Variants in MINDY4B observed in about 807,000 individuals in gnomAD.
MINDY4B encodes MINDY family member 4B.
Under a neutral mutation model 16.7 loss-of-function variants are expected in MINDY4B, and 25 were observed. That is an observed-to-expected ratio of 1.49 (90% CI 1.09 to 2.09). MINDY4B has a LOEUF of 2.09. Among genes scored for constraint, MINDY4B ranks in the 30% most tolerant of loss-of-function variants. The pLI, the probability that MINDY4B is intolerant of heterozygous loss-of-function variation, is 0.00. For synonymous variants in MINDY4B, 132 were observed against 61.9 expected, an observed-to-expected ratio of 2.13 and a Z score of -5.32; for missense variants, 327 against 168.4, an observed-to-expected ratio of 1.94 and a Z score of -5.21.
chr3:150,885,307 A>G (rs745426442), intron 8 of MINDY4B, 61 bp downstream of exon 8: 1 of 690,782 alleles, frequency 1.4e-6, no homozygotes, highest in Admixed American at 2.1e-5. Flanking sequence ...ATACAAGAGT[A>G]CATTGTTTAT....
chr3:150,888,473 A>G (rs1437138321), intron 7 of MINDY4B, among the ~76,000 whole-genome samples: 2 of 152,154 alleles, frequency 1.3e-5, no homozygotes, highest in African/African-American at 4.8e-5. Flanking sequence ...TGCTGCTCAC[A>G]TGGAGCCCTC....
At position 150,870,723 on chromosome 3, in the gene MINDY4B, C is replaced by T. The variant is rs1716946301; in HGVS notation, c.*322G>A. On this transcript the variant is annotated 3_prime_UTR_variant, in exon 12 of 12. Coordinates refer to ENST00000465419, the MANE Select transcript of MINDY4B (RefSeq NM_001351281.2). ...TCCGTAATCCTCATGGAGAGTTATACCAAGAAAAGACAACTTTGGAAAAAC... is the reference window on the plus strand; with the variant it reads ...TCCGTAATCCTCATGGAGAGTTATATCAAGAAAAGACAACTTTGGAAAAAC... Among the ~76,000 whole-genome samples the T allele has an allele frequency of 6.6e-6, 1 of 152,114 alleles. No individual in the cohort carries two copies. Among genetic ancestry groups the T allele is most frequent in the Non-Finnish European group, 1.5e-5 (1 of 68,034 alleles).
chr3:150,904,055 G>A lies in MINDY4B; in HGVS notation c.142-639C>T, dbSNP rs114219284. ...GTCCTATTGGTGGCTGAAACATGAG[G>A]GAAACCACCTTCTTAGTTTTTCTGT... On this transcript the variant is annotated intron_variant, in intron 2 of 11. Transcript: ENST00000465419. Among the ~76,000 whole-genome samples, 11 of 152,108 alleles carry A rather than the reference G, an allele frequency of 7.2e-5. 1 individual carries two copies. Among genetic ancestry groups the A allele is most frequent in the African/African-American group, 2.7e-4 (11 of 41,420 alleles).
intron 10 of MINDY4B, among the ~76,000 whole-genome samples, chr3:150,880,314 T>C (rs1198243117): frequency 1.3e-5 from 2 of 148,830 alleles, no homozygotes; most frequent in Non-Finnish European, 3.0e-5. Context: ...TCTGTGTGTG[T>C]GTGTGTGTGT....
intron 8 of MINDY4B, among the ~76,000 whole-genome samples, 177 bp downstream of exon 8, chr3:150,885,191 T>C (rs7649543): frequency 0.14 from 21,093 of 152,156 alleles, 3,101 homozygotes; most frequent in African/African-American, 0.38. Flanking sequence ...CGACATCCAC[T>C]TGCCCATTAA....
chr3:150,894,298 CG>C lies in MINDY4B; in HGVS notation c.316del (p.Arg106GlyfsTer30), dbSNP rs1559968079. The C allele has an allele frequency of 1.4e-6, 1 of 691,552 alleles. No homozygotes were observed. The highest frequency in any genetic ancestry group is 1.5e-5 in the South Asian group (1 of 64,810). 42.8% of individuals were successfully genotyped at this position (691,552 alleles called of 1,614,324 possible). A position where few individuals can be genotyped will look rare whatever the true frequency, so the allele number is the denominator to read the frequency against. On this transcript the variant is annotated frameshift_variant, in exon 4 of 12. Coordinates refer to ENST00000465419, the MANE Select transcript of MINDY4B (RefSeq NM_001351281.2). LOFTEE classifies it high-confidence loss of function. ...GACTGTGTTTCCAAACAGGATCTGC[CG>C]CAGCTTCTGAAAAGAGGGGAAAGAA... ...PISLAMATKL[R>X]QILFGNTVHV...
chr3:150,884,269 G>C (rs1181861045), intron 8 of MINDY4B, among the ~76,000 whole-genome samples: 2 of 152,166 alleles, frequency 1.3e-5, no homozygotes, highest in Admixed American at 6.5e-5. Flanking sequence ...GACAATATAA[G>C]GTCAAGGTGG....
intron 10 of MINDY4B, among the ~76,000 whole-genome samples, chr3:150,881,985 G>A (rs562200216): frequency 2.6e-5 from 4 of 152,270 alleles, no homozygotes; most frequent in South Asian, 4.1e-4. Flanking sequence ...GGAACCAGGA[G>A]GGCTGGAGGA....
At chr3:150,891,774 A>G (rs1209887300) in intron 5 of MINDY4B, among the ~76,000 whole-genome samples, 1 of 150,044 alleles carries the variant, frequency 6.7e-6, no homozygotes, top group African/African-American at 2.5e-5. Flanking sequence ...AAAAAAAAAA[A>G]AAAAAAAAAA....
chr3:150,898,861 C>T (rs1186858656), intron 3 of MINDY4B, among the ~76,000 whole-genome samples: 2 of 152,122 alleles, frequency 1.3e-5, no homozygotes, highest in Non-Finnish European at 2.9e-5. Context: ...ATGTTCTTAC[C>T]CTGACTGCCT....
At chr3:150,880,661 T>A (rs138805734) in intron 10 of MINDY4B, among the ~76,000 whole-genome samples, 1 of 152,342 alleles carries the variant, frequency 6.6e-6, no homozygotes, top group East Asian at 1.9e-4. Context: ...CTGTTTTAAG[T>A]CTTTCTAGTT....
At chr3:150,904,249 G>A (rs1712189145) in intron 2 of MINDY4B, among the ~76,000 whole-genome samples, 1 of 152,020 alleles carries the variant, frequency 6.6e-6, no homozygotes, top group Non-Finnish European at 1.5e-5. Context: ...TTCTTTTAAA[G>A]ATTGTTTTAT....
intron 3 of MINDY4B, among the ~76,000 whole-genome samples, chr3:150,896,379 G>C (rs1449402002): frequency 6.6e-6 from 1 of 152,074 alleles, no homozygotes; most frequent in Non-Finnish European, 1.5e-5. Context: ...AGGTAAATCA[G>C]GGATTTATTC....
chr3:150,894,084 G>T (rs1166032332), intron 4 of MINDY4B, 102 bp downstream of exon 4: 1 of 544,806 alleles, frequency 1.8e-6, no homozygotes, highest in African/African-American at 1.9e-5. Context: ...TTCTACACAT[G>T]ATTATAATGA....
chr3:150,891,660 G>A (rs1711810925), intron 5 of MINDY4B, among the ~76,000 whole-genome samples: 1 of 151,662 alleles, frequency 6.6e-6, no homozygotes, highest in Non-Finnish European at 1.5e-5. Context: ...TACTTGGGAG[G>A]CTGAGGCAGG....
chr3:150,896,204 C>G (rs1159108333), intron 3 of MINDY4B, among the ~76,000 whole-genome samples: 1 of 152,052 alleles, frequency 6.6e-6, no homozygotes, highest in Non-Finnish European at 1.5e-5. Context: ...GAAGTGTGTC[C>G]ACTGTTTCTT....
chr3:150,895,839 AT>A (rs1017695718), intron 3 of MINDY4B, among the ~76,000 whole-genome samples: 1 of 151,946 alleles, frequency 6.6e-6, no homozygotes, highest in Non-Finnish European at 1.5e-5. Flanking sequence ...CTAGGTGATG[AT>A]TTTTTTGCAA....
intron 10 of MINDY4B, among the ~76,000 whole-genome samples, chr3:150,879,512 T>A (rs1458532325): frequency 2.0e-5 from 3 of 152,204 alleles, no homozygotes; most frequent in Non-Finnish European, 2.9e-5. Flanking sequence ...CACTTTAGAA[T>A]CATCTATGGG....
intron 3 of MINDY4B, among the ~76,000 whole-genome samples, chr3:150,895,423 T>A (rs540007517): frequency 6.6e-6 from 1 of 152,312 alleles, no homozygotes; most frequent in South Asian, 2.1e-4. Context: ...TGATAGGTTT[T>A]CCTTCATAGG....
Sources: gnomAD v4.1 joint callset for allele counts (sites outside exome capture counted in the v4.1 genomes callset) on GRCh38, gnomAD v4.1.1 for gene constraint, MANE v1.5 for transcripts, NCBI Gene and HGNC (gene_info 2026-07-23, HGNC 2026-07-21) for gene names.